Variants in MXRA8 observed in about 807,000 individuals in gnomAD.
MXRA8 encodes matrix remodeling-associated protein 8.
MXRA8 carries 44 observed loss-of-function variants against 51.4 expected under a neutral mutation model. The ratio of observed to expected loss-of-function variants is 0.86; its 90% confidence interval spans 0.67 to 1.10. The LOEUF is 1.10. Among genes scored for constraint, MXRA8 ranks in the 50% least tolerant of loss-of-function variants. The pLI is 0.00. For synonymous variants in MXRA8, 369 were observed against 293.5 expected (o/e 1.26, Z -2.63); for missense variants, 765 against 638.9 (o/e 1.20, Z -2.13).
intron 1 of MXRA8, among the ~76,000 whole-genome samples, chr1:1,357,606 A>G (rs1252689466): frequency 6.6e-6 from 1 of 152,230 alleles, no homozygotes; most frequent in Non-Finnish European, 1.5e-5. Flanking sequence ...CAGGAATTCA[A>G]GACCAGCCTG....
chr1:1,355,085 C>G lies in MXRA8; in HGVS notation c.546G>C (p.Ala182=), dbSNP rs746032824. The stretch of plus-strand genomic sequence containing the variant: ...GCCCGCGGTTCACGCAGGTCAGAAG[C>G]GCGGGTGCGCCGCGCGCCACCGCCA... ...EVLAVARGAP[A]LLTCVNRGHV... is the part of the protein sequence containing the mutation. Residue 182 remains alanine (A), a synonymous_variant, in exon 5 of 10, where the codon GCG becomes GCC. Coordinates refer to ENST00000309212, the MANE Select transcript of MXRA8 (RefSeq NM_032348.4). 6.4e-7 allele frequency: 1 copy of G among 1,557,862 alleles called. No homozygotes were observed. Among genetic ancestry groups the G allele is most frequent in the South Asian group, 1.2e-5 (1 of 83,956 alleles).
In MXRA8 at chr1:1,355,226, C is replaced by CGGGGGGGGGGG; in HGVS notation, c.478+17_478+18insCCCCCCCCCCC. 1.1e-5 allele frequency: 7 copies of CGGGGGGGGGGG among 662,656 alleles called. No individual in the cohort carries two copies. Among genetic ancestry groups the CGGGGGGGGGGG allele is most frequent in the Non-Finnish European group, 1.5e-5 (7 of 456,622 alleles). 41.0% of individuals were successfully genotyped at this position (662,656 alleles called of 1,614,324 possible). On this transcript the variant is annotated intron_variant, in intron 4 of 9. Coordinates refer to ENST00000309212, the MANE Select transcript of MXRA8 (RefSeq NM_032348.4). ...GGGTCGAGGGGCGGGAGCTGGGGGG[C>CGGGGGGGGGGG]GGGGGGGAAGCACTCACGGCCGTCG... is the stretch of plus-strand genomic sequence containing the variant.
Position 1,353,413 on chromosome 1 carries a change from T to C in MXRA8, c.*191A>G. The C allele has an allele frequency of 6.5e-7, 1 of 1,527,384 alleles. No individual in the cohort carries two copies. Among genetic ancestry groups the C allele is most frequent in the Non-Finnish European group, 8.8e-7 (1 of 1,134,236 alleles). The allele number at this position is 1,527,384 out of a possible 1,614,324, so 94.6% of individuals were successfully genotyped here. A position where few individuals can be genotyped will look rare whatever the true frequency, so the allele number is the denominator to read the frequency against. On this transcript the variant is annotated 3_prime_UTR_variant, in exon 10 of 10. Transcript: ENST00000309212. ...CACCCGTGAGCAAAGGCCGCAGGGG[T>C]GGGGGCTATGCTGCCACCAAGCCCC... is the stretch of plus-strand genomic sequence containing the variant.
chr1:1,359,074 C>T (rs1009555345), upstream of MXRA8: 1 of 985,364 alleles, frequency 1.0e-6, no homozygotes, highest in African/African-American at 1.7e-5. Context: ...TGGTACCCGT[C>T]TCCTCTGGGG....
chr1:1,357,258 C>T (rs1240727456), intron 1 of MXRA8, among the ~76,000 whole-genome samples: 3 of 152,186 alleles, frequency 2.0e-5, no homozygotes, highest in Non-Finnish European at 4.4e-5. Context: ...TAGGCCGCCT[C>T]GGCATCCACT....
At chr1:1,359,772 G>C (rs112044473), upstream of MXRA8, among the ~76,000 whole-genome samples, 1 of 152,188 alleles carries the variant, frequency 6.6e-6, no homozygotes. Context: ...TGGCCCGGGC[G>C]GCGACCTTTC....
At position 1,355,624 on chromosome 1, in the gene MXRA8, C is replaced by T; in HGVS notation, c.202G>A (p.Asp68Asn). 1 of 1,466,612 alleles carries T rather than the reference C, an allele frequency of 6.8e-7. No homozygotes were observed. The allele number at this position is 1,466,612 out of a possible 1,614,324, so 90.8% of individuals were successfully genotyped here. A position where few individuals can be genotyped will look rare whatever the true frequency, so the allele number is the denominator to read the frequency against. Residue 68 changes from aspartate to asparagine, a missense_variant, in exon 3 of 10, where the codon GAC (aspartate) becomes AAC (asparagine). Transcript: ENST00000309212. ...RMVWTQDRLH[D>N]RQRVLHWDLR... The stretch of plus-strand genomic sequence containing the variant: ...TCCCAGTGGAGCACGCGCTGGCGGT[C>T]GTGCAGCCGGTCCTGGGTCCACACC...
upstream of MXRA8, chr1:1,359,008 GCT>G: frequency 1.0e-6 from 1 of 985,470 alleles, no homozygotes; most frequent in Non-Finnish European, 1.2e-6. Context: ...GCACGCTGGT[GCT>G]CTCCTTCAGA....
At chr1:1,363,511 C>G (rs1018393112), upstream of MXRA8, among the ~76,000 whole-genome samples, 3 of 151,746 alleles carry the variant, frequency 2.0e-5, no homozygotes, top group Non-Finnish European at 4.4e-5. Flanking sequence ...TCAGAATCAC[C>G]GCAACCTCTG....
chr1:1,359,989 GTC>G (rs982073005), upstream of MXRA8, among the ~76,000 whole-genome samples: 2 of 152,366 alleles, frequency 1.3e-5, no homozygotes. Flanking sequence ...GGCCTCTGCA[GTC>G]TCTGTCTCCT....
chr1:1,361,185 CACAG>C, upstream of MXRA8: 1 of 703,166 alleles, frequency 1.4e-6, no homozygotes, highest in Non-Finnish European at 2.6e-6. Flanking sequence ...CAGGTCCACA[CACAG>C]AAACAGAGAC....
chr1:1,361,379 C>G, upstream of MXRA8: 1 of 699,218 alleles, frequency 1.4e-6, no homozygotes, highest in South Asian at 1.5e-5. Context: ...AGCCATGGCC[C>G]TCTTGGACCC....
At position 1,355,345 on chromosome 1, in the gene MXRA8, G is replaced by T. The variant is rs778605657; in HGVS notation, c.377C>A (p.Ala126Glu). 6.4e-7 allele frequency: 1 copy of T among 1,572,894 alleles called. No individual in the cohort carries two copies. Among genetic ancestry groups the T allele is most frequent in the South Asian group, 1.2e-5 (1 of 86,834 alleles). ...DDGNFSLLIR[A>E]VEETDAGLYT... ...CAGCCCCGCGTCCGTCTCCTCCACCGCTGCGCACCCAGGAGGAAGCCGCGC... is the reference window on the plus strand; with the variant it reads ...CAGCCCCGCGTCCGTCTCCTCCACCTCTGCGCACCCAGGAGGAAGCCGCGC... Residue 126 changes from alanine to glutamate, a missense_variant and splice_region_variant, in exon 4 of 10, where the codon GCG becomes GAG. By Grantham distance (107) the Ala-to-Glu change is moderately radical. Coordinates refer to ENST00000309212, the MANE Select transcript of MXRA8 (RefSeq NM_032348.4).
At chr1:1,362,849 C>T (rs574805637), upstream of MXRA8, among the ~76,000 whole-genome samples, 2 of 145,998 alleles carry the variant, frequency 1.4e-5, no homozygotes, top group East Asian at 4.2e-4. Context: ...CTTGGGAGGC[C>T]GAGGTGGGTG....
upstream of MXRA8, chr1:1,358,564 A>G (rs1644178720): frequency 1.9e-6 from 3 of 1,582,268 alleles, no homozygotes; most frequent in Non-Finnish European, 1.7e-6. Context: ...CCAGAAAAAC[A>G]GCCCTACCCC....
Position 1,353,308 on chromosome 1 carries a change from C to T in MXRA8, c.*296G>A, listed in dbSNP as rs1644040186. 1 of 1,549,764 alleles carries T rather than the reference C, an allele frequency of 6.5e-7. No individual in the cohort carries two copies. The highest frequency in any genetic ancestry group is 2.4e-5 in the East Asian group (1 of 40,910). On this transcript the variant is annotated 3_prime_UTR_variant, in exon 10 of 10. Coordinates refer to ENST00000309212, the MANE Select transcript of MXRA8 (RefSeq NM_032348.4). ...TGTCCTCCAGGAATGTCTTCAGGCC[C>T]CCAGCGGGCAGAGCCCAGAAGGGTC... is the stretch of plus-strand genomic sequence containing the variant.
Position 1,354,188 on chromosome 1 carries a change from C to T in MXRA8, c.1145+5G>A. ...CCCCAGGAGGGCCGGGAGGGGGGCACTCACCCCTTTGACTTTCCCGACTTC... is the reference window on the plus strand; with the variant it reads ...CCCCAGGAGGGCCGGGAGGGGGGCATTCACCCCTTTGACTTTCCCGACTTC... On this transcript the variant is annotated splice_donor_5th_base_variant and intron_variant, in intron 7 of 9. Transcript: ENST00000309212. 1 of 1,612,716 alleles carries T rather than the reference C, an allele frequency of 6.2e-7. No homozygotes were observed. The highest frequency in any genetic ancestry group is 8.5e-7 in the Non-Finnish European group (1 of 1,179,986).
chr1:1,359,792 T>C (rs936718354), upstream of MXRA8, among the ~76,000 whole-genome samples: 2 of 152,202 alleles, frequency 1.3e-5, no homozygotes, highest in Non-Finnish European at 2.9e-5. Flanking sequence ...CCAAACTGGC[T>C]TCAGGGCTGA....
upstream of MXRA8, chr1:1,359,569 C>T: frequency 1.0e-6 from 1 of 985,342 alleles, no homozygotes; most frequent in Non-Finnish European, 1.2e-6. Context: ...GGGCTCACCC[C>T]TGAACCCTGC....
Sources: gnomAD v4.1 joint callset for allele counts (sites outside exome capture counted in the v4.1 genomes callset) on GRCh38, gnomAD v4.1.1 for gene constraint, MANE v1.5 for transcripts, NCBI Gene and HGNC (gene_info 2026-07-23, HGNC 2026-07-21) for gene names.